CPNE4: variants seen among roughly 807,000 people sequenced by gnomAD.
CPNE4 encodes the protein copine 4.
In CPNE4, 25 loss-of-function variants were observed where a neutral mutation model predicts 67.9. That is an observed-to-expected ratio of 0.37 (90% CI 0.27 to 0.51). The LOEUF (loss-of-function observed/expected upper bound fraction) is 0.51. Ranked by LOEUF, CPNE4 falls within the 20% of genes least tolerant of loss-of-function variation. The probability of loss-of-function intolerance (pLI) is 0.93; values close to 1 mark genes in which losing one functional copy is unlikely to be tolerated. For missense variants in CPNE4, 464 were observed against 690.8 expected (o/e 0.67, Z 3.68); for synonymous variants, 242 against 244.9 (o/e 0.99, Z 0.11).
chr3:131,998,578 A>T (rs1456947865), intron 1 of CPNE4, among the ~76,000 whole-genome samples: 1 of 152,162 alleles, frequency 6.6e-6, no homozygotes, highest in Non-Finnish European at 1.5e-5. Context: ...CTGCCTTCAC[A>T]TGACAAGACA....
chr3:131,968,457 C>T (rs2072414440), intron 1 of CPNE4, among the ~76,000 whole-genome samples: 1 of 152,180 alleles, frequency 6.6e-6, no homozygotes, highest in Non-Finnish European at 1.5e-5. Flanking sequence ...GCAATCTCTC[C>T]ATCTGACAAA....
intron 7 of CPNE4, among the ~76,000 whole-genome samples, chr3:131,638,681 T>C (rs2079458569): frequency 6.6e-6 from 1 of 152,114 alleles, no homozygotes. Flanking sequence ...TTAACAGATA[T>C]TTACAGAACA....
intron 1 of CPNE4, among the ~76,000 whole-genome samples, chr3:131,974,189 C>T (rs1433095626): frequency 6.6e-6 from 1 of 152,166 alleles, no homozygotes; most frequent in Non-Finnish European, 1.5e-5. Context: ...GGTCTTAATA[C>T]ATTAGTTTCT....
chr3:131,993,135 G>A lies in CPNE4; in HGVS notation c.-2+41432C>T, dbSNP rs577901693. On this transcript the variant is annotated intron_variant, in intron 1 of 15. Transcript: ENST00000429747. The stretch of plus-strand genomic sequence containing the variant: ...AAACTTGCTTTTCAGCAGACCTAGA[G>A]AATGAAGAATTGCATTACCTTGCAA... 1.9e-4 allele frequency among the ~76,000 whole-genome samples: 26 copies of A among 135,908 alleles called. 3 individuals are homozygous for A. Among genetic ancestry groups the A allele is most frequent in the African/African-American group, 5.4e-4 (22 of 40,680 alleles). The allele number at this position is 135,908 out of a possible 152,430, so 89.2% of individuals were successfully genotyped here. A position where few individuals can be genotyped will look rare whatever the true frequency, so the allele number is the denominator to read the frequency against.
chr3:131,637,019 G>T (rs1462075235), intron 7 of CPNE4, among the ~76,000 whole-genome samples: 1 of 152,194 alleles, frequency 6.6e-6, no homozygotes, highest in African/African-American at 2.4e-5. Flanking sequence ...AGCACCCAGT[G>T]GGACAAAAGA....
intron 2 of CPNE4, among the ~76,000 whole-genome samples, chr3:131,798,114 C>A (rs563140322): frequency 1.3e-5 from 2 of 152,264 alleles, no homozygotes; most frequent in East Asian, 3.9e-4. Flanking sequence ...ACATTTATAA[C>A]CTCCTCAGAG....
intron 2 of CPNE4, among the ~76,000 whole-genome samples, chr3:131,868,565 T>C (rs2107686988): frequency 6.6e-6 from 1 of 152,364 alleles, no homozygotes; most frequent in Non-Finnish European, 1.5e-5. Context: ...AATGCTTTTA[T>C]TTACTTCACT....
chr3:131,743,282 A>G (rs2082399350), intron 2 of CPNE4, among the ~76,000 whole-genome samples: 2 of 152,218 alleles, frequency 1.3e-5, no homozygotes, highest in African/African-American at 2.4e-5. Flanking sequence ...AGGTGATTAG[A>G]TCTACCATTG....
intron 2 of CPNE4, among the ~76,000 whole-genome samples, chr3:131,819,855 A>G (rs552643875): frequency 9.8e-4 from 149 of 152,316 alleles, no homozygotes; most frequent in Non-Finnish European, 1.4e-3. Flanking sequence ...TGTGGAAAGT[A>G]TGACTTTGAC....
rs147956692 is a variant in CPNE4, at chr3:131,871,692, A to G, written c.180+33572T>C. ...ATACCAACTTCGGTTTTCTTGTGGA[A>G]AAAATAAGGATGTGGTAAGTTCAGA... is the stretch of plus-strand genomic sequence containing the variant. On this transcript the variant is annotated intron_variant, in intron 2 of 15. Transcript: ENST00000429747. Among the ~76,000 whole-genome samples, 492 of 152,312 alleles carry G rather than the reference A, an allele frequency of 3.2e-3. 3 individuals carry two copies. Among genetic ancestry groups the G allele is most frequent in the African/African-American group, 0.011 (471 of 41,576 alleles).
chr3:131,631,873 A>C (rs57653787), intron 7 of CPNE4, among the ~76,000 whole-genome samples: 40,647 of 149,870 alleles, frequency 0.27, 9,110 homozygotes, highest in African/African-American at 0.62. Flanking sequence ...ACACGTAATT[A>C]TCCCCCCTCC....
At chr3:131,536,732 T>C (rs1935167263) in intron 15 of CPNE4, among the ~76,000 whole-genome samples, 1 of 152,268 alleles carries the variant, frequency 6.6e-6, no homozygotes, top group South Asian at 2.1e-4. Context: ...TGTCATAGCA[T>C]GATGGACATT....
chr3:131,555,773 C>T (rs539754047), intron 11 of CPNE4, among the ~76,000 whole-genome samples: 2 of 152,154 alleles, frequency 1.3e-5, no homozygotes, highest in South Asian at 4.1e-4. Flanking sequence ...TAGTCTACAA[C>T]TTCCTCCCTT....
At chr3:131,576,443 G>A (rs1937549351) in intron 9 of CPNE4, among the ~76,000 whole-genome samples, 1 of 152,138 alleles carries the variant, frequency 6.6e-6, no homozygotes, top group African/African-American at 2.4e-5. Flanking sequence ...ACCTTAAGGA[G>A]AAAGATAACC....
intron 10 of CPNE4, among the ~76,000 whole-genome samples, chr3:131,566,902 T>C (rs574540150): frequency 3.7e-4 from 56 of 152,096 alleles, no homozygotes; most frequent in African/African-American, 1.3e-3. Context: ...GATGTTGTTA[T>C]GGAGATTACC....
chr3:132,010,440 CTGA>C (rs1390708145), intron 1 of CPNE4, among the ~76,000 whole-genome samples: 1 of 5,380 alleles, frequency 1.9e-4, no homozygotes, highest in Non-Finnish European at 5.6e-4. Context: ...CTCAAGAATG[CTGA>C]GTCGTGGCCT....
chr3:131,549,822 CATTT>C, intron 14 of CPNE4, 121 bp downstream of exon 14: 1 of 1,108,570 alleles, frequency 9.0e-7, no homozygotes, highest in Non-Finnish European at 1.3e-6. Flanking sequence ...GAGGTTAAGT[CATTT>C]GTCCAAATTC....
At chr3:131,632,889 T>G (rs1410177516) in intron 7 of CPNE4, among the ~76,000 whole-genome samples, 2 of 152,196 alleles carry the variant, frequency 1.3e-5, no homozygotes, top group African/African-American at 2.4e-5. Context: ...ACCCACTAGA[T>G]GCCCATAGCA....
chr3:131,944,245 A>T (rs2071483872), intron 1 of CPNE4, among the ~76,000 whole-genome samples: 1 of 151,846 alleles, frequency 6.6e-6, no homozygotes, highest in Admixed American at 6.6e-5. Flanking sequence ...CCAGAAAAGA[A>T]TACATGCAGG....
Sources: gnomAD v4.1 joint callset for allele counts (sites outside exome capture counted in the v4.1 genomes callset) on GRCh38, gnomAD v4.1.1 for gene constraint, MANE v1.5 for transcripts, NCBI Gene and HGNC (gene_info 2026-07-23, HGNC 2026-07-21) for gene names.